Variants in CLNS1A observed in about 807,000 individuals in gnomAD.
The protein encoded by CLNS1A is methylosome subunit pICln.
CLNS1A carries 16 observed loss-of-function variants against 29.4 expected under a neutral mutation model. The observed-to-expected ratio is 0.54, with a 90% CI of 0.37 to 0.83. The LOEUF (loss-of-function observed/expected upper bound fraction) is 0.83. Among genes scored for constraint, CLNS1A ranks in the 40% least tolerant of loss-of-function variants. The probability of loss-of-function intolerance (pLI) is 0.00; values close to 1 mark genes in which losing one functional copy is unlikely to be tolerated. For synonymous variants in CLNS1A, 96 were observed against 104.8 expected (o/e 0.92, Z 0.51); for missense variants, 235 against 287.4 (o/e 0.82, Z 1.32).
chr11:77,627,437 CAAA>C (rs1426985403), intron 2 of CLNS1A, among the ~76,000 whole-genome samples: 1 of 121,878 alleles, frequency 8.2e-6, no homozygotes, highest in African/African-American at 3.1e-5. Flanking sequence ...GACTCCATCT[CAAA>C]AAAAAAGAAA....
chr11:77,637,260 G>T (rs116939172), intron 1 of CLNS1A, among the ~76,000 whole-genome samples: 1 of 43,584 alleles, frequency 2.3e-5, no homozygotes, highest in South Asian at 6.8e-4. Context: ...AAAAAAAAAA[G>T]AAAATAAAAG....
At chr11:77,630,095 C>A (rs1156776746) in intron 1 of CLNS1A, among the ~76,000 whole-genome samples, 196 bp from the exon 2 acceptor site, 1 of 151,134 alleles carries the variant, frequency 6.6e-6, no homozygotes, top group Non-Finnish European at 1.5e-5. Flanking sequence ...GTTACGGTCT[C>A]TTTCCCTCTA....
chr11:77,620,627 C>T (rs1958947730), intron 5 of CLNS1A, among the ~76,000 whole-genome samples: 1 of 152,006 alleles, frequency 6.6e-6, no homozygotes, highest in Non-Finnish European at 1.5e-5. Flanking sequence ...GGCAAAACCC[C>T]ATGGCGAAAT....
intron 2 of CLNS1A, among the ~76,000 whole-genome samples, chr11:77,627,148 A>G (rs781527547): frequency 4.0e-5 from 6 of 151,760 alleles, no homozygotes; most frequent in Non-Finnish European, 5.9e-5. Context: ...AAAAAGAACT[A>G]AAGGGCCAAG....
chr11:77,633,294 A>C (rs1428633794), intron 1 of CLNS1A, among the ~76,000 whole-genome samples: 1 of 152,194 alleles, frequency 6.6e-6, no homozygotes, highest in East Asian at 1.9e-4. Flanking sequence ...ATTGTAATAA[A>C]TCTACTGAAA....
chr11:77,618,943 G>C (rs1430769464), intron 6 of CLNS1A, among the ~76,000 whole-genome samples: 1 of 152,200 alleles, frequency 6.6e-6, no homozygotes, highest in East Asian at 1.9e-4. Context: ...AAGGAGGCTA[G>C]CGAGAGCATC....
At chr11:77,628,046 G>A (rs550611851) in intron 2 of CLNS1A, among the ~76,000 whole-genome samples, 17 of 152,214 alleles carry the variant, frequency 1.1e-4, no homozygotes, top group South Asian at 2.1e-4. Flanking sequence ...GGATGGTCTC[G>A]ATCTCTTGAC....
chr11:77,624,876 T>C (rs1959000029), intron 4 of CLNS1A, 87 bp downstream of exon 4: 1 of 792,776 alleles, frequency 1.3e-6, no homozygotes, highest in South Asian at 1.6e-5. Context: ...TATAAAGAAC[T>C]ATAATCCTCT....
At chr11:77,619,542 G>A (rs1958935944) in intron 6 of CLNS1A, 64 bp downstream of exon 6, 2 of 1,107,998 alleles carry the variant, frequency 1.8e-6, no homozygotes, top group Non-Finnish European at 2.8e-6. Flanking sequence ...ATTTTAAAAA[G>A]TAGAAAGTAA....
In CLNS1A at chr11:77,637,680, G is replaced by A. The variant is rs1457245233; in HGVS notation, c.35C>T (p.Pro12Leu). 2.0e-5 allele frequency: 31 copies of A among 1,563,554 alleles called. No homozygotes were observed. The highest frequency in any genetic ancestry group is 2.7e-5 in the Non-Finnish European group (31 of 1,154,262). Reference sequence around the variant, plus strand: ...CTGCTGCCGCAGGAGCCCCTCCGCTGGCCCAGGCGGCGGGAAACTTTTGAG... The same window carrying A: ...CTGCTGCCGCAGGAGCCCCTCCGCTAGCCCAGGCGGCGGGAAACTTTTGAG... The part of the protein sequence containing the change: ...SFLKSFPPPG[P>L]AEGLLRQQPD... Residue 12 changes from proline (P) to leucine (L), a missense_variant, in exon 1 of 7, where the codon CCA (proline) becomes CTA (leucine). Coordinates refer to ENST00000525428, the MANE Select transcript of CLNS1A (RefSeq NM_001293.3).
rs1423132780 is a variant in CLNS1A at position 77,637,253 on chromosome 11, A to AAAAAAAG, written c.125+330_125+336dup. The stretch of plus-strand genomic sequence containing the variant: ...AGTAAATAGGCGAGTTAAAAAAAAA[A>AAAAAAAG]AAAAAAGAAAATAAAAGAAAGAAAG... On this transcript the variant is annotated intron_variant, in intron 1 of 6. Coordinates refer to ENST00000525428, the MANE Select transcript of CLNS1A (RefSeq NM_001293.3). Among the ~76,000 whole-genome samples the AAAAAAAG allele has an allele frequency of 6.1e-5, 9 of 147,222 alleles. No individual in the cohort carries two copies. In the East Asian group the frequency reaches 1.2e-3, roughly 19 times the overall value.
At chr11:77,626,696 AT>A (rs34394062) in intron 2 of CLNS1A, among the ~76,000 whole-genome samples, 41,124 of 142,904 alleles carry the variant, frequency 0.29, 5,816 homozygotes, top group East Asian at 0.38. Flanking sequence ...CCTGATGGTC[AT>A]TTTTTTTTTT....
rs772321431 is a variant in CLNS1A at position 77,629,893 on chromosome 11, C to A, written c.132G>T (p.Leu44=). The A allele has an allele frequency of 1.9e-6, 3 of 1,613,920 alleles. No individual in the cohort carries two copies. The highest frequency in any genetic ancestry group is 8.5e-7 in the Non-Finnish European group (1 of 1,179,890). The part of the protein sequence containing the change: ...TGTLYIAESR[L]SWLDGSGLGF... ...CTAATCCAGAGCCATCTAACCAAGA[C>A]AGGCGGCTGAAAAACATGTTTTAAG... The change falls in exon 2 of 7, where the codon CTG becomes CTT. Residue 44 remains leucine, a synonymous_variant. Transcript: ENST00000525428.
chr11:77,619,843 T>C (rs1958939369), intron 5 of CLNS1A, 148 bp from the exon 6 acceptor site: 3 of 640,420 alleles, frequency 4.7e-6, no homozygotes, highest in African/African-American at 3.7e-5. Flanking sequence ...AGGGACAAAC[T>C]GAGAAAGAAA....
Position 77,619,623 on chromosome 11 carries a change from C to A in CLNS1A, c.*5G>T. On this transcript the variant is annotated 3_prime_UTR_variant, in exon 6 of 7. Transcript: ENST00000525428. ...CTACTCACCTTAAACTTGCATAAAT[C>A]ATTTTCAGTGATCAACATCTGCATC... 6.2e-7 allele frequency: 1 copy of A among 1,609,534 alleles called. No homozygotes were observed. The highest frequency in any genetic ancestry group is 8.5e-7 in the Non-Finnish European group (1 of 1,175,870).
At position 77,629,816 on chromosome 11, in the gene CLNS1A, C is replaced by T. The variant is rs373008022; in HGVS notation, c.209G>A (p.Arg70Gln). 8.1e-6 allele frequency: 13 copies of T among 1,613,608 alleles called. No individual in the cohort carries two copies. Among genetic ancestry groups the T allele is most frequent in the South Asian group, 3.3e-5 (3 of 91,088 alleles). ...CAAATGCTCTCCTAGACAGTCACTT[C>T]GGTCCCTGGATAATGCATGTAAACT... Reference protein sequence around the residue: ...TISLHALSRDRSDCLGEHLYV... With the variant: ...TISLHALSRDQSDCLGEHLYV... Residue 70 changes from arginine (R) to glutamine (Q), a missense_variant, in exon 2 of 7, where the codon CGA becomes CAA. Physicochemically the swap from Arg to Gln is conservative, Grantham distance 43. Transcript: ENST00000525428.
chr11:77,624,179 C>T (rs1958991770), intron 4 of CLNS1A, among the ~76,000 whole-genome samples: 1 of 152,152 alleles, frequency 6.6e-6, no homozygotes, highest in Non-Finnish European at 1.5e-5. Context: ...CTGGGAGAAT[C>T]ATTTGAGTCC....
chr11:77,629,810 T>G lies in CLNS1A; in HGVS notation c.215A>C (p.Asp72Ala). The change falls in exon 2 of 7, where the codon GAC becomes GCC. Residue 72 changes from aspartate (D) to alanine (A), a missense_variant. Transcript: ENST00000525428. ...SLHALSRDRS[D>A]CLGEHLYVMV... ...AACATACAAATGCTCTCCTAGACAGTCACTTCGGTCCCTGGATAATGCATG... is the reference window on the plus strand; with the variant it reads ...AACATACAAATGCTCTCCTAGACAGGCACTTCGGTCCCTGGATAATGCATG... 2 of 1,613,626 alleles carry G rather than the reference T, an allele frequency of 1.2e-6. No homozygotes were observed. The highest frequency in any genetic ancestry group is 1.7e-6 in the Non-Finnish European group (2 of 1,179,942).
At chr11:77,623,914 A>G (rs1408903711) in intron 4 of CLNS1A, among the ~76,000 whole-genome samples, 1 of 152,240 alleles carries the variant, frequency 6.6e-6, no homozygotes, top group African/African-American at 2.4e-5. Context: ...TAAATGAAGT[A>G]TGGTTCTGAG....
Sources: gnomAD v4.1 joint callset for allele counts (sites outside exome capture counted in the v4.1 genomes callset) on GRCh38, gnomAD v4.1.1 for gene constraint, MANE v1.5 for transcripts, NCBI Gene and HGNC (gene_info 2026-07-23, HGNC 2026-07-21) for gene names.